Variants in CADM2 observed in about 807,000 individuals in gnomAD.
The protein encoded by CADM2 is immunoglobulin superfamily member 4D.
A neutral mutation model predicts 49.8 loss-of-function variants in CADM2; 12 were observed. That is an observed-to-expected ratio of 0.24 (90% CI 0.15 to 0.39). The LOEUF is 0.39. Ranked by LOEUF, CADM2 falls within the 10% of genes least tolerant of loss-of-function variation. CADM2 has a pLI of 1.00. For synonymous variants in CADM2, 214 were observed against 175.4 expected (o/e 1.22, Z -1.74); for missense variants, 378 against 492.3 (o/e 0.77, Z 2.20).
intron 1 of CADM2, among the ~76,000 whole-genome samples, chr3:85,541,504 A>G (rs991486443): frequency 1.3e-5 from 2 of 148,744 alleles, no homozygotes; most frequent in South Asian, 2.1e-4. Flanking sequence ...AGGAGAACTT[A>G]TATTAAAAAA....
At position 86,073,042 on chromosome 3, in the gene CADM2, T is replaced by C. The variant is rs1703372264; in HGVS notation, c.*6259T>C. The C allele has an allele frequency of 6.6e-6, 1 of 152,114 alleles. No individual in the cohort carries two copies. 9.4% of individuals were successfully genotyped at this position (152,114 alleles called of 1,614,324 possible). A position where few individuals can be genotyped will look rare whatever the true frequency, so the allele number is the denominator to read the frequency against. On this transcript the variant is annotated 3_prime_UTR_variant, in exon 10 of 10. Coordinates refer to ENST00000383699, the MANE Select transcript of CADM2 (RefSeq NM_001167675.2). ...TGAGATTACTGACCTGTTTTCTTCA[T>C]ATTGCATTCACATCAATATTTGTGA... is the stretch of plus-strand genomic sequence containing the variant.
At chr3:85,464,280 A>G (rs2038389920) in intron 1 of CADM2, among the ~76,000 whole-genome samples, 1 of 152,150 alleles carries the variant, frequency 6.6e-6, no homozygotes, top group African/African-American at 2.4e-5. Flanking sequence ...CTTGTGATCC[A>G]AATGTGATCA....
chr3:86,030,630 A>G (rs572448449), intron 8 of CADM2, among the ~76,000 whole-genome samples: 2 of 152,046 alleles, frequency 1.3e-5, no homozygotes, highest in South Asian at 2.1e-4. Context: ...CTTGCTTTGT[A>G]AGCTCAGAAA....
intron 1 of CADM2, among the ~76,000 whole-genome samples, chr3:85,365,199 C>CTTTTTTTTTTTTTTTTTTTTTATTTTT (rs397962829): frequency 1.9e-5 from 2 of 104,700 alleles, no homozygotes; most frequent in Non-Finnish European, 3.6e-5. Context: ...TTTTTTTTTA[C>CTTTTTTTTTTTTTTTTTTTTTATTTTT]TTTTTTTTTT....
In CADM2 at chr3:85,293,638, G is replaced by A. The variant is rs377572892; in HGVS notation, c.61+333970G>A. 5.4e-3 allele frequency among the ~76,000 whole-genome samples: 650 copies of A among 120,664 alleles called. 8 individuals are homozygous for A. The highest frequency in any genetic ancestry group is 0.021 in the African/African-American group (613 of 29,362). The allele number at this position is 120,664 out of a possible 152,430, so 79.2% of individuals were successfully genotyped here. ...GGGATGCAAGGCTGGTTCAATATACGCAAATCAATAAATGTAATCCAGCAT... is the reference window on the plus strand; with the variant it reads ...GGGATGCAAGGCTGGTTCAATATACACAAATCAATAAATGTAATCCAGCAT... On this transcript the variant is annotated intron_variant, in intron 1 of 9. Coordinates refer to ENST00000383699, the MANE Select transcript of CADM2 (RefSeq NM_001167675.2).
chr3:85,282,268 C>CTTTTTTT, intron 1 of CADM2, among the ~76,000 whole-genome samples: 1 of 106,464 alleles, frequency 9.4e-6, no homozygotes, highest in Non-Finnish European at 1.8e-5. Flanking sequence ...TTTTTTTTGC[C>CTTTTTTT]TTTTTTTTTT....
chr3:85,605,037 T>C (rs1433466902), intron 1 of CADM2, among the ~76,000 whole-genome samples: 1 of 152,068 alleles, frequency 6.6e-6, no homozygotes, highest in East Asian at 1.9e-4. Flanking sequence ...CACAGCCTAA[T>C]AAGTAGAACA....
chr3:85,099,322 GA>G (rs1194878336), intron 1 of CADM2, among the ~76,000 whole-genome samples: 2 of 152,094 alleles, frequency 1.3e-5, no homozygotes, highest in Non-Finnish European at 2.9e-5. Context: ...GCATAAGATT[GA>G]AAACTCCATC....
rs368087874 is a variant in CADM2, at chr3:85,136,708, A to G, written c.61+177040A>G. 5.3e-5 allele frequency among the ~76,000 whole-genome samples: 8 copies of G among 152,110 alleles called. No homozygotes were observed. In the East Asian group the frequency reaches 1.4e-3, roughly 26 times the overall value. ...TTACTTAAGAATGCAAAGAACTTCA[A>G]GAAAATAAGTCAATTAATTAATGCA... On this transcript the variant is annotated intron_variant, in intron 1 of 9. Transcript: ENST00000383699.
chr3:85,927,949 T>C (rs970171513), intron 6 of CADM2, among the ~76,000 whole-genome samples: 7 of 152,136 alleles, frequency 4.6e-5, no homozygotes, highest in Admixed American at 4.6e-4. Context: ...CTTTCAAAGC[T>C]TGTGCTTTTA....
intron 1 of CADM2, among the ~76,000 whole-genome samples, chr3:85,457,220 C>T (rs1180335302): frequency 6.6e-6 from 1 of 152,016 alleles, no homozygotes; most frequent in African/African-American, 2.4e-5. Context: ...TGGTACCAGT[C>T]TGGGCAACAT....
At chr3:85,154,338 A>C (rs1287507891) in intron 1 of CADM2, among the ~76,000 whole-genome samples, 2 of 152,198 alleles carry the variant, frequency 1.3e-5, no homozygotes, top group African/African-American at 2.4e-5. Flanking sequence ...AAAGGGTATC[A>C]GCGATGGAAG....
chr3:85,291,807 A>G (rs2043805168), intron 1 of CADM2, among the ~76,000 whole-genome samples: 1 of 148,004 alleles, frequency 6.8e-6, no homozygotes, highest in Non-Finnish European at 1.5e-5. Context: ...ATGGAAAGGA[A>G]AAACTGGTAC....
At chr3:86,042,058 C>A (rs1736013107) in intron 8 of CADM2, among the ~76,000 whole-genome samples, 1 of 152,190 alleles carries the variant, frequency 6.6e-6, no homozygotes, top group African/African-American at 2.4e-5. Flanking sequence ...ATACCAGAAA[C>A]TCTGGGACAC....
chr3:85,817,701 T>G (rs544926288), intron 3 of CADM2, among the ~76,000 whole-genome samples: 4 of 152,150 alleles, frequency 2.6e-5, no homozygotes, highest in African/African-American at 9.7e-5. Flanking sequence ...CTTGACTGAT[T>G]GCATAAACCA....
chr3:85,668,953 C>T (rs564848395), intron 1 of CADM2, among the ~76,000 whole-genome samples: 8 of 152,234 alleles, frequency 5.3e-5, no homozygotes, highest in African/African-American at 1.9e-4. Flanking sequence ...ATGCCTAACT[C>T]ATCTTTTCTC....
chr3:85,898,955 A>ATATATATATATATGTATTTTTTTTTTT (rs1475991339), intron 5 of CADM2, among the ~76,000 whole-genome samples: 3 of 33,908 alleles, frequency 8.8e-5, no homozygotes, highest in African/African-American at 4.4e-4. Flanking sequence ...ATATATATAT[A>ATATATATATATATGTATTTTTTTTTTT]TTTTTTTTTT....
intron 6 of CADM2, among the ~76,000 whole-genome samples, chr3:85,912,973 G>A (rs1180001721): frequency 6.6e-6 from 1 of 151,994 alleles, no homozygotes; most frequent in Non-Finnish European, 1.5e-5. Context: ...CTTCTCTATG[G>A]CATATACTAA....
At chr3:85,313,067 G>C (rs989209323) in intron 1 of CADM2, among the ~76,000 whole-genome samples, 1 of 152,150 alleles carries the variant, frequency 6.6e-6, no homozygotes, top group African/African-American at 2.4e-5. Flanking sequence ...GAAACAGGTA[G>C]ACAGCTAATG....
Sources: gnomAD v4.1 joint callset for allele counts (sites outside exome capture counted in the v4.1 genomes callset) on GRCh38, gnomAD v4.1.1 for gene constraint, MANE v1.5 for transcripts, NCBI Gene and HGNC (gene_info 2026-07-23, HGNC 2026-07-21) for gene names.